The following GPC6 variants were observed in gnomAD, a reference collection of about 807,000 sequenced individuals.
The protein encoded by GPC6 is glypican-6.
Under a neutral mutation model 55.2 loss-of-function variants are expected in GPC6, and 14 were observed. That is an observed-to-expected ratio of 0.25 (90% CI 0.17 to 0.40). The LOEUF (loss-of-function observed/expected upper bound fraction) is 0.40. GPC6 is among the 10% of genes least tolerant of loss of function. The probability of loss-of-function intolerance (pLI) is 1.00; values close to 1 mark genes in which losing one functional copy is unlikely to be tolerated. For synonymous variants in GPC6, 278 were observed against 259.6 expected (o/e 1.07, Z -0.68); for missense variants, 641 against 708.5 (o/e 0.90, Z 1.08).
At chr13:94,147,076 AC>A (rs776609435) in intron 4 of GPC6, among the ~76,000 whole-genome samples, 3 of 152,164 alleles carry the variant, frequency 2.0e-5, no homozygotes, top group Non-Finnish European at 2.9e-5. Context: ...AATTGTGGGT[AC>A]TACTAAATTT....
chr13:93,898,920 A>T (rs1487736107), intron 3 of GPC6, among the ~76,000 whole-genome samples: 5 of 137,648 alleles, frequency 3.6e-5, no homozygotes, highest in African/African-American at 1.1e-4. Flanking sequence ...GATTTGGGAT[A>T]TATAAAAATA....
chr13:94,091,184 G>A (rs921384920), intron 4 of GPC6, among the ~76,000 whole-genome samples: 61 of 152,034 alleles, frequency 4.0e-4, no homozygotes, highest in Non-Finnish European at 5.9e-5. Flanking sequence ...AGTTGACTGA[G>A]AAAGTAATAA....
chr13:94,180,876 C>CAGAG (rs112719554), intron 4 of GPC6, among the ~76,000 whole-genome samples: 23 of 141,646 alleles, frequency 1.6e-4, no homozygotes, highest in Admixed American at 5.6e-4. Context: ...GAGAGACACA[C>CAGAG]ACAGAGAGAG....
At chr13:93,229,789 T>C (rs982630574) in intron 1 of GPC6, among the ~76,000 whole-genome samples, 6 of 152,140 alleles carry the variant, frequency 3.9e-5, no homozygotes, top group African/African-American at 1.4e-4. Context: ...CTTGTGTCCT[T>C]TGATGCTGGT....
intron 1 of GPC6, among the ~76,000 whole-genome samples, chr13:93,356,893 C>A (rs977539560): frequency 2.0e-5 from 3 of 152,098 alleles, no homozygotes; most frequent in Non-Finnish European, 2.9e-5. Context: ...TATCTGATTA[C>A]TATATAGAAC....
At chr13:94,215,447 T>C (rs1890198441) in intron 4 of GPC6, among the ~76,000 whole-genome samples, 2 of 152,154 alleles carry the variant, frequency 1.3e-5, no homozygotes, top group African/African-American at 4.8e-5. Flanking sequence ...ATATGCTATG[T>C]AAATAAATGT....
chr13:93,709,798 G>T (rs1297689169), intron 2 of GPC6, among the ~76,000 whole-genome samples: 4 of 151,746 alleles, frequency 2.6e-5, no homozygotes, highest in African/African-American at 9.7e-5. Flanking sequence ...TTTGGATGTG[G>T]TTCTCTTAGT....
chr13:93,688,841 T>C (rs1181392143), intron 2 of GPC6, among the ~76,000 whole-genome samples: 1 of 152,040 alleles, frequency 6.6e-6, no homozygotes, highest in Non-Finnish European at 1.5e-5. Context: ...TAGAAGTAGA[T>C]AGAAGTGATG....
At position 93,908,522 on chromosome 13, in the gene GPC6, T is replaced by C. The variant is rs117461110; in HGVS notation, c.711+77977T>C. On this transcript the variant is annotated intron_variant, in intron 3 of 8. Transcript: ENST00000377047. Reference sequence around the variant, plus strand: ...GTTTTCCCTTTGTGTTTGTAGCATTTACACTTGTTTGTGTTTGCAGTAATA... The same window carrying C: ...GTTTTCCCTTTGTGTTTGTAGCATTCACACTTGTTTGTGTTTGCAGTAATA... Among the ~76,000 whole-genome samples the C allele has an allele frequency of 3.5e-4, 54 of 152,318 alleles. No individual in the cohort carries two copies. The East Asian group carries it at 8.7e-3, about 25-fold the overall frequency.
intron 4 of GPC6, among the ~76,000 whole-genome samples, chr13:94,123,667 G>A (rs1886711813): frequency 6.6e-6 from 1 of 151,920 alleles, no homozygotes; most frequent in Admixed American, 6.6e-5. Flanking sequence ...AAGCAACTGT[G>A]TGTGTGTTTG....
intron 2 of GPC6, among the ~76,000 whole-genome samples, chr13:93,596,615 ATATATAT>A (rs1877748091): frequency 7.4e-6 from 1 of 135,216 alleles, no homozygotes; most frequent in African/African-American, 3.0e-5. Context: ...AAATAAATAT[ATATATAT>A]ATATATATAT....
intron 3 of GPC6, among the ~76,000 whole-genome samples, chr13:93,873,667 A>G (rs1889199505): frequency 6.6e-6 from 1 of 151,894 alleles, no homozygotes; most frequent in Non-Finnish European, 1.5e-5. Flanking sequence ...CTGGAGCTTG[A>G]GATGAAAAAA....
chr13:93,735,434 G>A (rs1320101172), intron 2 of GPC6, among the ~76,000 whole-genome samples: 2 of 151,772 alleles, frequency 1.3e-5, no homozygotes, highest in Admixed American at 6.6e-5. Flanking sequence ...TGAGGAGGCT[G>A]AGGCAGGAGA....
At chr13:93,730,408 T>C (rs1161352659) in intron 2 of GPC6, among the ~76,000 whole-genome samples, 3 of 152,224 alleles carry the variant, frequency 2.0e-5, no homozygotes, top group Non-Finnish European at 4.4e-5. Flanking sequence ...ATTTTCAATA[T>C]CAAATTGCAA....
intron 6 of GPC6, among the ~76,000 whole-genome samples, chr13:94,363,459 G>A (rs1879150391): frequency 6.6e-6 from 1 of 152,132 alleles, no homozygotes. Flanking sequence ...ATGGAGCAGG[G>A]GCAGGAGAGT....
intron 1 of GPC6, among the ~76,000 whole-genome samples, chr13:93,484,220 A>G (rs1042261195): frequency 6.6e-6 from 1 of 152,084 alleles, no homozygotes; most frequent in African/African-American, 2.4e-5. Flanking sequence ...TTACATTATC[A>G]TCCTTGTTTT....
chr13:93,640,560 A>G (rs1210965301), intron 2 of GPC6, among the ~76,000 whole-genome samples: 1 of 152,102 alleles, frequency 6.6e-6, no homozygotes, highest in Non-Finnish European at 1.5e-5. Context: ...CTGATGATAT[A>G]AAACAGCTTG....
At chr13:93,987,040 C>CT (rs896982125) in intron 3 of GPC6, among the ~76,000 whole-genome samples, 2 of 152,056 alleles carry the variant, frequency 1.3e-5, no homozygotes, top group African/African-American at 4.8e-5. Context: ...GACATTTTTA[C>CT]TTTAAGTAAT....
At chr13:94,305,654 C>T (rs1346966350) in intron 5 of GPC6, among the ~76,000 whole-genome samples, 1 of 152,134 alleles carries the variant, frequency 6.6e-6, no homozygotes, top group Admixed American at 6.5e-5. Context: ...TCTCTATGTC[C>T]ATGAGAGTGC....
Sources: allele counts gnomAD v4.1 joint callset (sites outside exome capture counted in the v4.1 genomes callset), GRCh38; gene constraint gnomAD v4.1.1; transcripts MANE v1.5; gene names NCBI Gene and HGNC (gene_info 2026-07-23, HGNC 2026-07-21).